AFF3: variants seen among roughly 807,000 people sequenced by gnomAD.
The protein encoded by AFF3 is AF4/FMR2 family member 3.
A neutral mutation model predicts 129.7 loss-of-function variants in AFF3; 32 were observed. The ratio of observed to expected loss-of-function variants is 0.25; its 90% CI spans 0.19 to 0.33. The LOEUF (loss-of-function observed/expected upper bound fraction) is 0.33. Ranked by LOEUF, AFF3 falls within the 10% of genes least tolerant of loss-of-function variation. AFF3 has a pLI of 1.00. For synonymous variants in AFF3, 644 were observed against 635.4 expected, an observed-to-expected ratio of 1.01 and a Z score of -0.20; for missense variants, 1,373 against 1,592.0, an observed-to-expected ratio of 0.86 and a Z score of 2.34.
intron 13 of AFF3, among the ~76,000 whole-genome samples, chr2:99,627,409 C>T (rs973639928): frequency 6.6e-6 from 1 of 151,882 alleles, no homozygotes; most frequent in Non-Finnish European, 1.5e-5. Flanking sequence ...CCTTTGCCTA[C>T]TTTTTAATAG....
chr2:99,718,701 A>G (rs933181138), intron 11 of AFF3, among the ~76,000 whole-genome samples: 1 of 152,144 alleles, frequency 6.6e-6, no homozygotes, highest in Non-Finnish European at 1.5e-5. Context: ...GATCTTAGGA[A>G]GAAGTGCTTG....
intron 8 of AFF3, among the ~76,000 whole-genome samples, chr2:99,811,455 T>C (rs1380639842): frequency 1.3e-5 from 2 of 152,122 alleles, no homozygotes; most frequent in Non-Finnish European, 2.9e-5. Flanking sequence ...AACAGCATAT[T>C]CAAACCGAGG....
intron 11 of AFF3, among the ~76,000 whole-genome samples, chr2:99,726,125 T>C (rs1679342245): frequency 6.6e-6 from 1 of 152,216 alleles, no homozygotes; most frequent in African/African-American, 2.4e-5. Flanking sequence ...TTTAAACTTT[T>C]AGGGAAGTAT....
At chr2:99,915,357 C>G (rs1223551447) in intron 7 of AFF3, among the ~76,000 whole-genome samples, 1 of 152,068 alleles carries the variant, frequency 6.6e-6, no homozygotes, top group East Asian at 1.9e-4. Context: ...AAGACACATA[C>G]AGGAAACATC....
chr2:99,923,742 TACATTTA>T (rs1227588171), intron 7 of AFF3, among the ~76,000 whole-genome samples: 1 of 152,162 alleles, frequency 6.6e-6, no homozygotes, highest in African/African-American at 2.4e-5. Context: ...CTTGGTTTCT[TACATTTA>T]AAGAGGCAAA....
Position 100,105,589 on chromosome 2 carries a change from A to G in AFF3, c.-144-6T>C. 1 of 1,334,060 alleles carries G rather than the reference A, an allele frequency of 7.5e-7. No individual in the cohort carries two copies. Among genetic ancestry groups the G allele is most frequent in the Non-Finnish European group, 9.9e-7 (1 of 1,006,214 alleles). The allele number at this position is 1,334,060 out of a possible 1,614,324, so 82.6% of individuals were successfully genotyped here. On this transcript the variant is annotated splice_polypyrimidine_tract_variant and splice_region_variant and intron_variant, in intron 2 of 24. Transcript: ENST00000672756. ...CTGGAAAGGCAGGTGATCAGCTAGA[A>G]GGGTGATAAGAGTATCATCGTGGCT...
At chr2:99,848,188 T>C (rs558940762) in intron 7 of AFF3, among the ~76,000 whole-genome samples, 5 of 151,720 alleles carry the variant, frequency 3.3e-5, no homozygotes, top group Admixed American at 3.3e-4. Context: ...AGGCAGAGGT[T>C]ACTGTGAGCC....
Position 99,593,519 on chromosome 2 carries a change from G to A in AFF3, c.2142C>T (p.Asn714=). ...CAGGGGCCCTAGGACCACTGCCCCC[G>A]TTGGCAGCGGCCTCCTTCAGCCTCT... is the stretch of plus-strand genomic sequence containing the variant. The part of the protein sequence containing the change: ...NDQRLKEAAA[N]GGSGPRAPVG... Residue 714 remains asparagine (N), a synonymous_variant, in exon 15 of 25, where the codon AAC becomes AAT. Coordinates refer to ENST00000672756, the MANE Select transcript of AFF3 (RefSeq NM_001386135.1). 2 of 1,613,246 alleles carry A rather than the reference G, an allele frequency of 1.2e-6. No homozygotes were observed. The highest frequency in any genetic ancestry group is 1.1e-5 in the South Asian group (1 of 91,070).
At chr2:99,555,834 C>G (rs1474901501) in intron 22 of AFF3, among the ~76,000 whole-genome samples, 1 of 152,196 alleles carries the variant, frequency 6.6e-6, no homozygotes, top group African/African-American at 2.4e-5. Flanking sequence ...TGTCAGAACT[C>G]TGAGGTGCTA....
intron 7 of AFF3, among the ~76,000 whole-genome samples, chr2:99,980,403 A>G (rs10202379): frequency 0.4 from 61,325 of 152,070 alleles, 13,817 homozygotes; most frequent in African/African-American, 0.59. Context: ...TAGAGACAGC[A>G]CAGCTCAGAA....
chr2:100,110,247 C>T (rs1029960480), intron 2 of AFF3: 3 of 152,124 alleles, frequency 2.0e-5, no homozygotes, highest in Non-Finnish European at 4.4e-5. Flanking sequence ...GAGTCATAAA[C>T]CTTTTCTTGT....
intron 8 of AFF3, among the ~76,000 whole-genome samples, chr2:99,798,091 A>G (rs1211471606): frequency 6.6e-6 from 1 of 152,114 alleles, no homozygotes; most frequent in Admixed American, 6.6e-5. Context: ...TATACAAGTA[A>G]AATGTTTGAC....
intron 7 of AFF3, among the ~76,000 whole-genome samples, chr2:99,983,489 A>C (rs1449993383): frequency 6.6e-6 from 1 of 152,122 alleles, no homozygotes; most frequent in Non-Finnish European, 1.5e-5. Context: ...TATAGCCTGG[A>C]ATAATATCAA....
At chr2:100,106,365 T>C in intron 2 of AFF3, 1 of 1,132,378 alleles carries the variant, frequency 8.8e-7, no homozygotes, top group Non-Finnish European at 1.1e-6. Context: ...ATAGAGAATA[T>C]GAATATAGGA....
At chr2:99,980,840 A>G (rs1164733357) in intron 7 of AFF3, among the ~76,000 whole-genome samples, 1 of 152,242 alleles carries the variant, frequency 6.6e-6, no homozygotes, top group Non-Finnish European at 1.5e-5. Context: ...CAATTGGAAA[A>G]GAGCAAAAAG....
In AFF3 at chr2:99,672,588, T is replaced by C; in HGVS notation, c.1093A>G (p.Met365Val). The change falls in exon 12 of 25, where the codon ATG (methionine) becomes GTG (valine). Residue 365 changes from methionine (M) to valine (V), a missense_variant and splice_region_variant. This residue lies in a region of AFF3 where 413 missense variants were observed against 424.4 expected (regional missense o/e 0.97). Coordinates refer to ENST00000672756, the MANE Select transcript of AFF3 (RefSeq NM_001386135.1). The part of the protein sequence containing the change: ...SPDNGTSNTS[M>V]LEDDLKLSSD... The stretch of plus-strand genomic sequence containing the variant: ...CTTAGCTTAAGGTCATCTTCCAGCA[T>C]TCTGAAAGAAGGAACAAAGAGGTAC... The C allele has an allele frequency of 6.2e-7, 1 of 1,614,132 alleles. No individual in the cohort carries two copies. Among genetic ancestry groups the C allele is most frequent in the South Asian group, 1.1e-5 (1 of 91,080 alleles).
intron 11 of AFF3, among the ~76,000 whole-genome samples, chr2:99,705,442 C>T (rs1056388512): frequency 6.6e-6 from 1 of 151,870 alleles, no homozygotes; most frequent in Non-Finnish European, 1.5e-5. Context: ...AAGGATCAGG[C>T]ATTTCTTCCT....
At position 99,693,136 on chromosome 2, in the gene AFF3, T is replaced by C. The variant is rs548072141; in HGVS notation, c.1092-20547A>G. 2.6e-5 allele frequency among the ~76,000 whole-genome samples: 4 copies of C among 152,312 alleles called. No homozygotes were observed. The East Asian group carries it at 7.7e-4, about 29-fold the overall frequency. ...ACAAACCAAATGGAAATTAAGAGACTACTGTGAAGACACAGAAAAAAGAAC... is the reference window on the plus strand; with the variant it reads ...ACAAACCAAATGGAAATTAAGAGACCACTGTGAAGACACAGAAAAAAGAAC... On this transcript the variant is annotated intron_variant, in intron 11 of 24. Coordinates refer to ENST00000672756, the MANE Select transcript of AFF3 (RefSeq NM_001386135.1).
chr2:99,692,097 G>C (rs893396284), intron 11 of AFF3, among the ~76,000 whole-genome samples: 45 of 152,180 alleles, frequency 3.0e-4, no homozygotes, highest in African/African-American at 1.1e-3. Context: ...TGGGTGTGGC[G>C]AGGTCAGAAG....
Sources: allele counts gnomAD v4.1 joint callset (sites outside exome capture counted in the v4.1 genomes callset), GRCh38; gene constraint gnomAD v4.1.1; regional missense constraint gnomAD v4.1.1; transcripts MANE v1.5; gene names NCBI Gene and HGNC (gene_info 2026-07-23, HGNC 2026-07-21).